The following AKAP13 variants were observed in gnomAD, a reference collection of about 807,000 sequenced individuals.
AKAP13 encodes the protein A-kinase anchoring protein 13, also known as A-kinase anchor protein 13.
Under a neutral mutation model 264.5 loss-of-function variants are expected in AKAP13, and 80 were observed. The observed-to-expected ratio is 0.30, with a 90% confidence interval of 0.25 to 0.36. AKAP13 has a LOEUF of 0.36. Ranked by LOEUF, AKAP13 falls within the 10% of genes least tolerant of loss-of-function variation. AKAP13 has a pLI of 1.00. For synonymous variants in AKAP13, 1,380 were observed against 1,250.2 expected, an observed-to-expected ratio of 1.10 and a Z score of -2.19; for missense variants, 3,712 against 3,435.2, an observed-to-expected ratio of 1.08 and a Z score of -2.01.
At chr15:85,473,318 G>A (rs1032800626) in intron 1 of AKAP13, among the ~76,000 whole-genome samples, 2 of 152,202 alleles carry the variant, frequency 1.3e-5, no homozygotes, top group Admixed American at 6.5e-5. Context: ...GCAATTTGAT[G>A]TGGAAGGCAC....
intron 4 of AKAP13, chr15:85,534,222 A>G (rs2077321275): frequency 3.0e-6 from 1 of 338,850 alleles, no homozygotes; most frequent in African/African-American, 2.1e-5. Flanking sequence ...TTTAATGATC[A>G]AAGACATGGT....
At chr15:85,610,075 C>G (rs1217776590) in intron 8 of AKAP13, among the ~76,000 whole-genome samples, 1 of 152,170 alleles carries the variant, frequency 6.6e-6, no homozygotes, top group Non-Finnish European at 1.5e-5. Context: ...CTAAAACAGA[C>G]ACTTAAATAT....
In AKAP13 at chr15:85,418,492, G is replaced by A. The variant is rs1169406480; in HGVS notation, c.-12+37694G>A. Among the ~76,000 whole-genome samples the A allele has an allele frequency of 2.6e-5, 4 of 152,306 alleles. No individual in the cohort carries two copies. The East Asian group carries it at 7.7e-4, about 29-fold the overall frequency. On this transcript the variant is annotated intron_variant, in intron 1 of 36. Coordinates refer to ENST00000394518, the MANE Select transcript of AKAP13 (RefSeq NM_007200.5). ...ATGTGGCTAACCCAAATTGAGATGT[G>A]GCTGGTGGCTCTATAATGGGATTGT... is the stretch of plus-strand genomic sequence containing the variant.
At chr15:85,468,000 A>AT (rs1339123790) in intron 1 of AKAP13, among the ~76,000 whole-genome samples, 1 of 152,138 alleles carries the variant, frequency 6.6e-6, no homozygotes, top group Admixed American at 6.5e-5. Flanking sequence ...ATTTCTTTGT[A>AT]TTTTTGTCTC....
At chr15:85,652,487 G>C (rs1473405806) in intron 10 of AKAP13, among the ~76,000 whole-genome samples, 2 of 152,188 alleles carry the variant, frequency 1.3e-5, no homozygotes, top group African/African-American at 4.8e-5. Flanking sequence ...GTGTGTTTTA[G>C]AACAGGCTTG....
intron 8 of AKAP13, among the ~76,000 whole-genome samples, chr15:85,635,534 A>C (rs541030864): frequency 1.3e-5 from 2 of 152,196 alleles, no homozygotes; most frequent in East Asian, 3.9e-4. Context: ...TTTTCCTAAC[A>C]GTGGCTTTTG....
At chr15:85,446,396 A>G (rs1394727581) in intron 1 of AKAP13, among the ~76,000 whole-genome samples, 1 of 152,160 alleles carries the variant, frequency 6.6e-6, no homozygotes, top group Non-Finnish European at 1.5e-5. Context: ...TGGTTTTATG[A>G]GAGCTTGAGG....
intron 2 of AKAP13, among the ~76,000 whole-genome samples, chr15:85,508,365 A>G (rs1596367961): frequency 6.6e-6 from 1 of 150,472 alleles, no homozygotes; most frequent in Non-Finnish European, 1.5e-5. Context: ...CTGGTCTTGA[A>G]CTCCTGGGTT....
intron 2 of AKAP13, among the ~76,000 whole-genome samples, chr15:85,499,543 G>A (rs568085714): frequency 7.6e-4 from 115 of 152,236 alleles, no homozygotes; most frequent in Non-Finnish European, 1.4e-3. Flanking sequence ...CATGGATCCC[G>A]TGCTGAGTCA....
At chr15:85,607,037 C>T (rs939806723) in intron 8 of AKAP13, among the ~76,000 whole-genome samples, 1 of 151,776 alleles carries the variant, frequency 6.6e-6, no homozygotes, top group Admixed American at 6.6e-5. Flanking sequence ...TTTCCCTTTG[C>T]CTCAGATGAA....
At chr15:85,550,343 G>A (rs1315166254) in intron 5 of AKAP13, among the ~76,000 whole-genome samples, 1 of 152,232 alleles carries the variant, frequency 6.6e-6, no homozygotes, top group Non-Finnish European at 1.5e-5. Flanking sequence ...GGGGACACAT[G>A]TGAATGTTGA....
In AKAP13 at chr15:85,579,807, C is replaced by G. The variant is rs1419981210; in HGVS notation, c.1739C>G (p.Ala580Gly). The G allele has an allele frequency of 6.2e-7, 1 of 1,614,206 alleles. No individual in the cohort carries two copies. The highest frequency in any genetic ancestry group is 2.2e-5 in the East Asian group (1 of 44,892). Residue 580 changes from alanine (A) to glycine (G), a missense_variant, in exon 7 of 37, where the codon GCT (alanine) becomes GGT (glycine). By Grantham distance (60) the Ala-to-Gly change is moderately conservative. Coordinates refer to ENST00000394518, the MANE Select transcript of AKAP13 (RefSeq NM_007200.5). The part of the protein sequence containing the change: ...TSRSREESAD[A>G]PVDQNSVVIP... Reference sequence around the variant, plus strand: ...CGAAGTCGTGAGGAGAGTGCTGATGCTCCAGTAGATCAGAATTCTGTGGTG... The same window carrying G: ...CGAAGTCGTGAGGAGAGTGCTGATGGTCCAGTAGATCAGAATTCTGTGGTG...
intron 30 of AKAP13, among the ~76,000 whole-genome samples, chr15:85,731,357 T>A (rs1329005575): frequency 6.6e-6 from 1 of 152,216 alleles, no homozygotes; most frequent in East Asian, 1.9e-4. Flanking sequence ...CTCCTAGACA[T>A]TATAGTTTAA....
Position 85,581,283 on chromosome 15 carries a change from C to T in AKAP13, c.3215C>T (p.Thr1072Ile). Residue 1072 changes from threonine to isoleucine, a missense_variant, in exon 7 of 37, where the codon ACT (threonine) becomes ATT (isoleucine). Around this residue, in one of 3 missense-constraint regions of AKAP13, gnomAD observed 2,759 missense variants for 2,411.7 expected, o/e 1.14. Coordinates refer to ENST00000394518, the MANE Select transcript of AKAP13 (RefSeq NM_007200.5). ...PSPLDVGVKN[T>I]QSQGKTSACE... ...CCTCTGGATGTTGGAGTGAAGAACACTCAATCCCAGGGAAAAACTAGTGCC... is the reference window on the plus strand; with the variant it reads ...CCTCTGGATGTTGGAGTGAAGAACATTCAATCCCAGGGAAAAACTAGTGCC... 1 of 1,614,208 alleles carries T rather than the reference C, an allele frequency of 6.2e-7. No individual in the cohort carries two copies. The highest frequency in any genetic ancestry group is 8.5e-7 in the Non-Finnish European group (1 of 1,180,036).
At position 85,426,972 on chromosome 15, in the gene AKAP13, T is replaced by G. The variant is rs1429842207; in HGVS notation, c.-12+46174T>G. Among the ~76,000 whole-genome samples the G allele has an allele frequency of 3.1e-4, 46 of 149,336 alleles. 1 individual carries two copies. In the East Asian group the frequency reaches 3.7e-3, roughly 12 times the overall value. On this transcript the variant is annotated intron_variant, in intron 1 of 36. Transcript: ENST00000394518. Reference sequence around the variant, plus strand: ...TTTGTTTTGTTTTTTTTTTTTTTTTTGGGGACGGAGTCTCACACTGTCACC... The same window carrying G: ...TTTGTTTTGTTTTTTTTTTTTTTTTGGGGGACGGAGTCTCACACTGTCACC...
chr15:85,668,859 C>T lies in AKAP13; in HGVS notation c.4993-863C>T, dbSNP rs141302081. ...TCAGGAGGCTGAGGCGGGAGAATCG[C>T]TTGAACCTGGGAGGCAGAGGTTGCA... On this transcript the variant is annotated intron_variant, in intron 13 of 36. Coordinates refer to ENST00000394518, the MANE Select transcript of AKAP13 (RefSeq NM_007200.5). Among the ~76,000 whole-genome samples, 31 of 150,258 alleles carry T rather than the reference C, an allele frequency of 2.1e-4. No individual in the cohort carries two copies. The East Asian group carries it at 6.1e-3, about 30-fold the overall frequency.
At chr15:85,692,252 T>A (rs1029105806) in intron 16 of AKAP13, among the ~76,000 whole-genome samples, 5 of 152,222 alleles carry the variant, frequency 3.3e-5, no homozygotes, top group African/African-American at 7.2e-5. Context: ...ATGAAACTCA[T>A]TTCCAGTAAA....
chr15:85,732,092 A>C (rs1018784950), intron 30 of AKAP13, among the ~76,000 whole-genome samples: 1 of 152,046 alleles, frequency 6.6e-6, no homozygotes, highest in African/African-American at 2.4e-5. Flanking sequence ...AAAAAAAAAA[A>C]AAAAAACGTT....
intron 33 of AKAP13, among the ~76,000 whole-genome samples, chr15:85,739,012 A>G (rs1183970357): frequency 1.3e-5 from 2 of 152,248 alleles, no homozygotes; most frequent in Non-Finnish European, 2.9e-5. Context: ...ATGCATTAAA[A>G]ACATTTCCCC....
Sources: gnomAD v4.1 joint callset for allele counts (sites outside exome capture counted in the v4.1 genomes callset) on GRCh38, gnomAD v4.1.1 for gene constraint, gnomAD v4.1.1 regional missense constraint, MANE v1.5 for transcripts, NCBI Gene and HGNC (gene_info 2026-07-23, HGNC 2026-07-21) for gene names.